Variants in TNRC6B observed in about 807,000 individuals in gnomAD.
TNRC6B encodes the protein trinucleotide repeat containing adaptor 6B.
Under a neutral mutation model 203.6 loss-of-function variants are expected in TNRC6B, and 52 were observed. The ratio of observed to expected loss-of-function variants is 0.26; its 90% CI spans 0.20 to 0.32. The LOEUF is 0.32. Among genes scored for constraint, TNRC6B ranks in the 10% least tolerant of loss-of-function variants. The probability of loss-of-function intolerance (pLI) is 1.00; values close to 1 mark genes in which losing one functional copy is unlikely to be tolerated. For missense variants in TNRC6B, 1,923 were observed against 2,286.2 expected (o/e 0.84, Z 3.24); for synonymous variants, 838 against 845.7 (o/e 0.99, Z 0.16).
chr22:40,255,198 T>A (rs2070252806), intron 3 of TNRC6B, among the ~76,000 whole-genome samples: 1 of 152,236 alleles, frequency 6.6e-6, no homozygotes, highest in Admixed American at 6.5e-5. Flanking sequence ...CAGTGAAACT[T>A]ACTCTTCAGA....
chr22:40,298,368 A>G (rs1228173597), intron 12 of TNRC6B, among the ~76,000 whole-genome samples: 1 of 152,226 alleles, frequency 6.6e-6, no homozygotes, highest in Non-Finnish European at 1.5e-5. Context: ...AGACTACTCT[A>G]GAAAATACCT....
At chr22:40,243,173 T>C (rs1440385127) in intron 1 of TNRC6B, among the ~76,000 whole-genome samples, 1 of 152,070 alleles carries the variant, frequency 6.6e-6, no homozygotes, top group African/African-American at 2.4e-5. Context: ...CCGGCCTGGA[T>C]TTTTTTAAAG....
intron 1 of TNRC6B, among the ~76,000 whole-genome samples, chr22:40,197,235 A>G (rs969539732): frequency 6.6e-6 from 1 of 152,080 alleles, no homozygotes; most frequent in Non-Finnish European, 1.5e-5. Flanking sequence ...TCGTGTGCAG[A>G]ATAGGAGGTC....
intron 2 of TNRC6B, among the ~76,000 whole-genome samples, chr22:40,118,983 A>G (rs918154928): frequency 1.2e-4 from 19 of 152,196 alleles, no homozygotes; most frequent in Non-Finnish European, 2.5e-4. Flanking sequence ...AGTCTGCCAT[A>G]TTGGCAAAGC....
intron 1 of TNRC6B, among the ~76,000 whole-genome samples, chr22:40,227,968 G>A (rs1039347563): frequency 6.6e-6 from 1 of 152,132 alleles, no homozygotes; most frequent in African/African-American, 2.4e-5. Context: ...TCACTTTTCT[G>A]TAGAGAATAG....
At chr22:40,247,587 A>C (rs893020838) in intron 2 of TNRC6B, among the ~76,000 whole-genome samples, 15 of 152,228 alleles carry the variant, frequency 9.9e-5, no homozygotes, top group African/African-American at 3.6e-4. Flanking sequence ...AACATTCATT[A>C]TTATTTGGTG....
intron 1 of TNRC6B, among the ~76,000 whole-genome samples, chr22:40,237,786 G>T (rs2069968033): frequency 6.6e-6 from 1 of 151,946 alleles, no homozygotes; most frequent in Non-Finnish European, 1.5e-5. Context: ...GACGCCTCAT[G>T]GAAGGCAGCC....
chr22:40,274,980 G>T (rs896068041), intron 7 of TNRC6B, among the ~76,000 whole-genome samples: 1 of 152,126 alleles, frequency 6.6e-6, no homozygotes, highest in African/African-American at 2.4e-5. Flanking sequence ...CCTATGAAAC[G>T]GTTCACAGCT....
chr22:40,200,891 G>A (rs1262350850), intron 1 of TNRC6B, among the ~76,000 whole-genome samples: 2 of 152,126 alleles, frequency 1.3e-5, no homozygotes, highest in African/African-American at 4.8e-5. Flanking sequence ...GAATGTGATG[G>A]TGGTGGGAGC....
chr22:40,240,922 A>T (rs2070020066), intron 1 of TNRC6B, among the ~76,000 whole-genome samples: 1 of 152,174 alleles, frequency 6.6e-6, no homozygotes. Context: ...TCCTGGGCTC[A>T]GGTGATGGGA....
rs2071019593 is a variant in TNRC6B at position 40,301,275 on chromosome 22, A to G, written c.4062A>G (p.Ala1354=). 2 of 1,596,364 alleles carry G rather than the reference A, an allele frequency of 1.3e-6. No individual in the cohort carries two copies. The highest frequency in any genetic ancestry group is 1.7e-6 in the Non-Finnish European group (2 of 1,170,714). Residue 1354 remains alanine, a synonymous_variant, in exon 15 of 23, where the codon GCA becomes GCG. Coordinates refer to ENST00000454349, the MANE Select transcript of TNRC6B (RefSeq NM_001162501.2). ...ATCTGGACAACATGGTACCCAACGC[A>G]TTGAATGTGGGGCTCCCAGACCTTC... ...KPHLDNMVPN[A]LNVGLPDLQT...
At chr22:40,157,884 GGGTA>G (rs1337022968) in intron 4 of TNRC6B, among the ~76,000 whole-genome samples, 1 of 152,176 alleles carries the variant, frequency 6.6e-6, no homozygotes, top group African/African-American at 2.4e-5. Context: ...TCAGAGATCA[GGGTA>G]GGTAACTTGC....
chr22:40,061,946 C>T (rs1329961086), intron 1 of TNRC6B, among the ~76,000 whole-genome samples: 1 of 151,810 alleles, frequency 6.6e-6, no homozygotes, highest in African/African-American at 2.4e-5. Flanking sequence ...TGGTGGTGGG[C>T]GCCTGTAATC....
chr22:40,104,724 A>T (rs2068267462), intron 1 of TNRC6B, among the ~76,000 whole-genome samples: 1 of 152,194 alleles, frequency 6.6e-6, no homozygotes, highest in Admixed American at 6.5e-5. Context: ...GAGTATATTG[A>T]TGATATCATA....
At chr22:40,270,400 A>G (rs2070545373) in intron 6 of TNRC6B, 120 bp downstream of exon 6, 3 of 1,004,036 alleles carry the variant, frequency 3.0e-6, no homozygotes, top group Non-Finnish European at 3.9e-6. Flanking sequence ...GCTCACTGCA[A>G]CCTCTGCTTT....
chr22:40,079,867 C>T (rs2068050960), intron 1 of TNRC6B, among the ~76,000 whole-genome samples: 1 of 152,156 alleles, frequency 6.6e-6, no homozygotes, highest in South Asian at 2.1e-4. Context: ...ACAATCTCGG[C>T]TCACTGCAAG....
intron 3 of TNRC6B, among the ~76,000 whole-genome samples, chr22:40,132,385 G>A (rs190071877): frequency 1.7e-4 from 26 of 150,166 alleles, no homozygotes; most frequent in Admixed American, 1.3e-3. Context: ...GAGACGAGAC[G>A]GGACGGGACG....
At chr22:40,208,111 CAAAAAAAA>C (rs905832467) in intron 1 of TNRC6B, among the ~76,000 whole-genome samples, 1 of 74,924 alleles carries the variant, frequency 1.3e-5, no homozygotes, top group Non-Finnish European at 3.4e-5. Flanking sequence ...GACTCCATCT[CAAAAAAAA>C]AAAAAAAAAA....
At chr22:40,057,843 C>T (rs146629975) in intron 1 of TNRC6B, among the ~76,000 whole-genome samples, 5 of 152,256 alleles carry the variant, frequency 3.3e-5, no homozygotes, top group African/African-American at 9.6e-5. Context: ...GATGGTGTCT[C>T]ATGCTCAGTA....
Sources: gnomAD v4.1 joint callset for allele counts (sites outside exome capture counted in the v4.1 genomes callset) on GRCh38, gnomAD v4.1.1 for gene constraint, MANE v1.5 for transcripts, NCBI Gene and HGNC (gene_info 2026-07-23, HGNC 2026-07-21) for gene names.